The following NCKAP5 variants were observed in gnomAD, a reference collection of about 807,000 sequenced individuals.
NCKAP5 encodes nck-associated protein 5.
A neutral mutation model predicts 167.0 loss-of-function variants in NCKAP5; 92 were observed. The ratio of observed to expected loss-of-function variants is 0.55; its 90% CI spans 0.47 to 0.66. NCKAP5 has a LOEUF of 0.66. NCKAP5 is among the 30% of genes least tolerant of loss of function. NCKAP5 has a pLI of 0.00. For synonymous variants in NCKAP5, 891 were observed against 877.4 expected (o/e 1.02, Z -0.27); for missense variants, 2,378 against 2,315.0 (o/e 1.03, Z -0.56).
At chr2:132,873,725 T>C (rs1055590174) in intron 9 of NCKAP5, among the ~76,000 whole-genome samples, 3 of 152,238 alleles carry the variant, frequency 2.0e-5, no homozygotes, top group Admixed American at 6.5e-5. Flanking sequence ...CCACTATTTT[T>C]TTCAGCTGAT....
chr2:133,629,774 T>G, the NCKAP5 span, among the ~76,000 whole-genome samples: 1 of 152,134 alleles, frequency 6.6e-6, no homozygotes, highest in Non-Finnish European at 1.5e-5. Context: ...GTGGTACATA[T>G]ACACCATGGA....
At chr2:132,982,105 T>C (rs1017011047) in intron 7 of NCKAP5, among the ~76,000 whole-genome samples, 81 of 152,344 alleles carry the variant, frequency 5.3e-4, no homozygotes, top group African/African-American at 1.8e-3. Context: ...AATTTGGCTA[T>C]GTGAAGGGGA....
At chr2:133,406,999 T>C (rs1249724634) in intron 3 of NCKAP5, among the ~76,000 whole-genome samples, 1 of 152,244 alleles carries the variant, frequency 6.6e-6, no homozygotes, top group Non-Finnish European at 1.5e-5. Context: ...AGCTTTCTTG[T>C]GTCTCAGCTC....
intron 6 of NCKAP5, among the ~76,000 whole-genome samples, chr2:133,047,195 G>GA (rs2079432873): frequency 6.6e-6 from 1 of 151,914 alleles, no homozygotes; most frequent in Non-Finnish European, 1.5e-5. Context: ...ACAAAGCTTT[G>GA]TTTTTTTTCC....
chr2:133,139,867 C>T (rs2082931933), intron 5 of NCKAP5, among the ~76,000 whole-genome samples: 2 of 152,090 alleles, frequency 1.3e-5, no homozygotes, highest in Non-Finnish European at 2.9e-5. Flanking sequence ...CAGAGGCTGA[C>T]CAAGGAAAGC....
At chr2:133,220,681 T>C (rs1018558542) in intron 4 of NCKAP5, among the ~76,000 whole-genome samples, 1 of 152,038 alleles carries the variant, frequency 6.6e-6, no homozygotes, top group African/African-American at 2.4e-5. Context: ...GGTTTGCATG[T>C]TTAAAAAAAA....
chr2:132,805,733 A>G (rs1685381856), intron 11 of NCKAP5, among the ~76,000 whole-genome samples: 1 of 150,724 alleles, frequency 6.6e-6, no homozygotes, highest in African/African-American at 2.4e-5. Flanking sequence ...TTACATTATT[A>G]TTATTTTTAA....
chr2:133,474,036 C>A (rs1352024944), intron 3 of NCKAP5, among the ~76,000 whole-genome samples: 1 of 152,090 alleles, frequency 6.6e-6, no homozygotes, highest in Non-Finnish European at 1.5e-5. Flanking sequence ...ATGTTTATTG[C>A]AGCACTACTC....
intron 3 of NCKAP5, among the ~76,000 whole-genome samples, chr2:133,353,880 C>T (rs1370657087): frequency 6.6e-6 from 1 of 152,208 alleles, no homozygotes; most frequent in African/African-American, 2.4e-5. Flanking sequence ...CTCAGTAAAA[C>T]CCCTATCCAT....
chr2:133,351,519 T>A (rs1684361654), intron 3 of NCKAP5, among the ~76,000 whole-genome samples: 1 of 152,116 alleles, frequency 6.6e-6, no homozygotes, highest in South Asian at 2.1e-4. Flanking sequence ...AACACACACA[T>A]CATTAGGTAA....
rs2078075145 is a variant in NCKAP5, at chr2:133,009,366, GCA to G, written c.342-15129_342-15128del. On this transcript the variant is annotated intron_variant, in intron 6 of 19. Coordinates refer to ENST00000409261, the MANE Select transcript of NCKAP5 (RefSeq NM_207363.3). Reference sequence around the variant, plus strand: ...CAAGTTTTTTCCTACTACCCACATCGCACAGTTGGTTAACTGTTTATCTTGTG... The same window carrying G: ...CAAGTTTTTTCCTACTACCCACATCGCAGTTGGTTAACTGTTTATCTTGTG... Among the ~76,000 whole-genome samples, 9 of 151,914 alleles carry G rather than the reference GCA, an allele frequency of 5.9e-5. No homozygotes were observed. In the South Asian group the frequency reaches 1.9e-3, roughly 32 times the overall value.
chr2:133,630,445 G>T, the NCKAP5 span, among the ~76,000 whole-genome samples: 1 of 152,160 alleles, frequency 6.6e-6, no homozygotes, highest in African/African-American at 2.4e-5. Flanking sequence ...GGTGCACTTT[G>T]GGTGAATAGT....
chr2:132,994,415 T>G lies in NCKAP5; in HGVS notation c.342-176A>C, dbSNP rs571765137. Among the ~76,000 whole-genome samples, 9 of 152,328 alleles carry G rather than the reference T, an allele frequency of 5.9e-5. No individual in the cohort carries two copies. In the East Asian group the frequency reaches 1.7e-3, roughly 29 times the overall value. On this transcript the variant is annotated intron_variant, in intron 6 of 19. Coordinates refer to ENST00000409261, the MANE Select transcript of NCKAP5 (RefSeq NM_207363.3). ...GTCATGAAGTCCTTTGCAACCATTC[T>G]TTGGGATGCCTCTACATTCTCTTTC...
At chr2:132,923,039 G>A (rs760235796) in intron 8 of NCKAP5, among the ~76,000 whole-genome samples, 15 of 152,164 alleles carry the variant, frequency 9.9e-5, no homozygotes, top group Non-Finnish European at 1.9e-4. Context: ...CTTCATGCCA[G>A]GCACTGTGTG....
intron 10 of NCKAP5, 59 bp downstream of exon 10, chr2:132,868,877 T>G (rs1690572130): frequency 7.4e-5 from 92 of 1,250,744 alleles, no homozygotes; most frequent in Non-Finnish European, 9.4e-5. Flanking sequence ...CTTAACAACA[T>G]GAGCTCCAAT....
intron 3 of NCKAP5, among the ~76,000 whole-genome samples, chr2:133,483,607 C>T (rs1219414579): frequency 6.9e-6 from 1 of 144,202 alleles, no homozygotes; most frequent in East Asian, 2.0e-4. Context: ...GAGAACTTTG[C>T]TAATACTCTG....
chr2:133,334,400 G>A (rs781239360), intron 3 of NCKAP5, among the ~76,000 whole-genome samples: 16 of 152,002 alleles, frequency 1.1e-4, no homozygotes, highest in South Asian at 1.0e-3. Flanking sequence ...ATGCTAGCTC[G>A]GGCACTTTTA....
At chr2:133,130,500 T>G (rs1449847115) in intron 5 of NCKAP5, among the ~76,000 whole-genome samples, 1 of 152,214 alleles carries the variant, frequency 6.6e-6, no homozygotes, top group Non-Finnish European at 1.5e-5. Flanking sequence ...CTCTTCCATC[T>G]CTGGTATATC....
chr2:133,236,994 A>G (rs985212729), intron 4 of NCKAP5, among the ~76,000 whole-genome samples: 1 of 152,112 alleles, frequency 6.6e-6, no homozygotes, highest in Non-Finnish European at 1.5e-5. Context: ...ACACGTATAC[A>G]TATGTAACAA....
Sources: allele counts gnomAD v4.1 joint callset (sites outside exome capture counted in the v4.1 genomes callset), GRCh38; gene constraint gnomAD v4.1.1; transcripts MANE v1.5; gene names NCBI Gene and HGNC (gene_info 2026-07-23, HGNC 2026-07-21).